Variants in ENTREP2 observed in about 807,000 individuals in gnomAD.
ENTREP2 encodes endosomal transmembrane epsin interactor 2, also known as protein ENTREP2.
the ENTREP2 span, among the ~76,000 whole-genome samples, chr15:29,220,524 TGAGG>T: frequency 1.3e-5 from 2 of 152,210 alleles, no homozygotes; most frequent in South Asian, 2.1e-4. Context: ...CTCATGTGGC[TGAGG>T]AAGGAGAGGA....
chr15:29,131,213 G>A, the ENTREP2 span, among the ~76,000 whole-genome samples: 4 of 151,196 alleles, frequency 2.6e-5, no homozygotes, highest in African/African-American at 9.9e-5. Context: ...TATGGAAAAT[G>A]TGAGTTAAAA....
the ENTREP2 span, among the ~76,000 whole-genome samples, chr15:29,478,504 T>C: frequency 6.6e-6 from 1 of 152,234 alleles, no homozygotes; most frequent in African/African-American, 2.4e-5. Context: ...ATATAATCCC[T>C]GATGCTGGAG....
the ENTREP2 span, among the ~76,000 whole-genome samples, chr15:29,455,248 A>T: frequency 2.0e-5 from 3 of 152,268 alleles, no homozygotes; most frequent in East Asian, 5.8e-4. Context: ...GCCCCAGCTT[A>T]CAGGCAAGCC....
the ENTREP2 span, among the ~76,000 whole-genome samples, chr15:29,660,836 A>G: frequency 6.6e-6 from 1 of 152,196 alleles, no homozygotes; most frequent in Non-Finnish European, 1.5e-5. Flanking sequence ...ACGAGGATTG[A>G]AAATACAGTA....
the ENTREP2 span, among the ~76,000 whole-genome samples, chr15:29,364,420 C>A: frequency 6.6e-6 from 1 of 152,174 alleles, no homozygotes; most frequent in Non-Finnish European, 1.5e-5. Flanking sequence ...GTGCAGCAGG[C>A]ATCTATCTGA....
chr15:29,288,473 C>T, the ENTREP2 span, among the ~76,000 whole-genome samples: 1 of 152,188 alleles, frequency 6.6e-6, no homozygotes, highest in East Asian at 1.9e-4. Context: ...ATGGCTCACT[C>T]CCTTGCCTCC....
At chr15:29,253,571 T>C in the ENTREP2 span, among the ~76,000 whole-genome samples, 1 of 151,672 alleles carries the variant, frequency 6.6e-6, no homozygotes, top group Admixed American at 6.6e-5. Flanking sequence ...GCCTCCTGAG[T>C]AGCTGGGACT....
chr15:29,354,054 G>C, the ENTREP2 span, among the ~76,000 whole-genome samples: 2 of 152,192 alleles, frequency 1.3e-5, no homozygotes, highest in Non-Finnish European at 2.9e-5. Context: ...ATTTGAATCT[G>C]TAGACTGGAG....
At chr15:29,222,461 C>G in the ENTREP2 span, among the ~76,000 whole-genome samples, 1 of 152,142 alleles carries the variant, frequency 6.6e-6, no homozygotes, top group Non-Finnish European at 1.5e-5. Context: ...TATGGGCTCG[C>G]CTCTAATTCT....
the ENTREP2 span, among the ~76,000 whole-genome samples, chr15:29,313,821 G>T: frequency 6.6e-6 from 1 of 152,160 alleles, no homozygotes; most frequent in Non-Finnish European, 1.5e-5. Flanking sequence ...TAATAAATCT[G>T]GGTGGAGTAA....
the ENTREP2 span, among the ~76,000 whole-genome samples, chr15:29,437,351 G>A: frequency 1.8e-4 from 28 of 152,234 alleles, no homozygotes; most frequent in African/African-American, 6.0e-4. Context: ...AAAAGTAAAC[G>A]TCTAAATTAC....
chr15:29,550,519 C>G, the ENTREP2 span, among the ~76,000 whole-genome samples: 1 of 152,106 alleles, frequency 6.6e-6, no homozygotes, highest in Non-Finnish European at 1.5e-5. Context: ...TGACAGTTAC[C>G]AAAGCGAGTA....
the ENTREP2 span, among the ~76,000 whole-genome samples, chr15:29,331,170 G>A: frequency 6.6e-6 from 1 of 152,208 alleles, no homozygotes; most frequent in Non-Finnish European, 1.5e-5. Context: ...ATGTATGGAG[G>A]AATAATTTTA....
chr15:29,412,629 C>G, the ENTREP2 span, among the ~76,000 whole-genome samples: 1 of 151,912 alleles, frequency 6.6e-6, no homozygotes, highest in African/African-American at 2.4e-5. Context: ...AGTCTCTCAT[C>G]AACTTTTTGA....
chr15:29,360,842 C>T, the ENTREP2 span, among the ~76,000 whole-genome samples: 4 of 152,240 alleles, frequency 2.6e-5, no homozygotes, highest in African/African-American at 9.6e-5. Flanking sequence ...CCAGGAAGCA[C>T]TTCCGAGAAG....
At chr15:29,549,779 T>G in the ENTREP2 span, among the ~76,000 whole-genome samples, 38 of 152,258 alleles carry the variant, frequency 2.5e-4, 1 homozygote, top group South Asian at 7.5e-3. Context: ...GCCTAAATCC[T>G]CATACCAGAG....
the ENTREP2 span, among the ~76,000 whole-genome samples, chr15:29,366,176 C>A: frequency 6.6e-6 from 1 of 152,128 alleles, no homozygotes; most frequent in East Asian, 1.9e-4. Context: ...CAGGTTCAAG[C>A]GATTCTCCTG....
the ENTREP2 span, among the ~76,000 whole-genome samples, chr15:29,578,181 G>A: frequency 1.3e-5 from 2 of 152,208 alleles, no homozygotes; most frequent in Non-Finnish European, 2.9e-5. Context: ...ACAAGTGTTG[G>A]AGAGGATGTG....
the ENTREP2 span, among the ~76,000 whole-genome samples, chr15:29,350,760 T>C: frequency 6.6e-6 from 1 of 152,112 alleles, no homozygotes; most frequent in African/African-American, 2.4e-5. Context: ...CTAGCCAACA[T>C]GGTGAAACCC....
Sources: gnomAD v4.1 joint callset for allele counts (sites outside exome capture counted in the v4.1 genomes callset) on GRCh38, gnomAD v4.1.1 for gene constraint, MANE v1.5 for transcripts, NCBI Gene and HGNC (gene_info 2026-07-23, HGNC 2026-07-21) for gene names.